Variants in CCDC3 observed in about 807,000 individuals in gnomAD.
CCDC3 encodes coiled-coil domain-containing protein 3.
CCDC3 carries 24 observed loss-of-function variants against 21.4 expected under a neutral mutation model. The ratio of observed to expected loss-of-function variants is 1.12; its 90% CI spans 0.81 to 1.58. The LOEUF is 1.58. Ranked by LOEUF, CCDC3 falls within the 40% of genes most tolerant of loss-of-function variation. The probability of loss-of-function intolerance (pLI) is 0.00; values close to 1 mark genes in which losing one functional copy is unlikely to be tolerated. For missense variants in CCDC3, 425 were observed against 360.9 expected (o/e 1.18, Z -1.44); for synonymous variants, 186 against 166.0 (o/e 1.12, Z -0.93).
At chr10:13,032,452 A>G (rs962790178) in intron 5 of CCDC3, among the ~76,000 whole-genome samples, 2 of 152,182 alleles carry the variant, frequency 1.3e-5, no homozygotes, top group Non-Finnish European at 2.9e-5. Flanking sequence ...GCCCTCTCTC[A>G]CTACTCCTAT....
At chr10:13,025,815 C>T (rs1589043718) in intron 5 of CCDC3, among the ~76,000 whole-genome samples, 2 of 152,294 alleles carry the variant, frequency 1.3e-5, no homozygotes, top group East Asian at 1.9e-4. Context: ...AGTCTTTAGA[C>T]GTTGCTGGTC....
chr10:12,899,046 G>T (rs1292236337), intron 2 of CCDC3, among the ~76,000 whole-genome samples: 2 of 152,082 alleles, frequency 1.3e-5, no homozygotes, highest in Non-Finnish European at 2.9e-5. Flanking sequence ...GGAATGGGGG[G>T]AGTCAGGTGG....
At chr10:13,015,800 G>A (rs1836050479) in intron 5 of CCDC3, among the ~76,000 whole-genome samples, 2 of 152,106 alleles carry the variant, frequency 1.3e-5, no homozygotes, top group East Asian at 1.9e-4. Context: ...TCTTCAGTAG[G>A]AGAGCCTAGG....
intron 5 of CCDC3, among the ~76,000 whole-genome samples, chr10:13,023,066 A>G (rs1222010530): frequency 1.5e-5 from 2 of 130,676 alleles, no homozygotes; most frequent in East Asian, 4.6e-4. Context: ...AAAATCCTTG[A>G]GTTGTGTTTT....
intron 5 of CCDC3, among the ~76,000 whole-genome samples, chr10:13,029,720 C>G (rs921358223): frequency 1.3e-5 from 2 of 152,016 alleles, no homozygotes; most frequent in Non-Finnish European, 2.9e-5. Flanking sequence ...CCGATTTGAT[C>G]AAGTGGAAGA....
chr10:13,086,878 C>T (rs1031035757), intron 3 of CCDC3, among the ~76,000 whole-genome samples: 7 of 152,124 alleles, frequency 4.6e-5, no homozygotes, highest in African/African-American at 1.7e-4. Context: ...TGCAGAAAAC[C>T]ACTGCCAGTA....
At chr10:12,899,948 G>A (rs1173826308) in intron 2 of CCDC3, among the ~76,000 whole-genome samples, 1 of 152,148 alleles carries the variant, frequency 6.6e-6, no homozygotes, top group Non-Finnish European at 1.5e-5. Flanking sequence ...GTCATGGGAG[G>A]GACCCAGTGG....
intron 5 of CCDC3, among the ~76,000 whole-genome samples, chr10:13,028,949 A>G (rs564166): frequency 0.65 from 98,297 of 152,062 alleles, 33,037 homozygotes; most frequent in East Asian, 0.81. Context: ...AATGACATCC[A>G]TAATTCCAGC....
At chr10:12,898,922 AGATGTCGTTTT>A (rs1006220982) in intron 2 of CCDC3, among the ~76,000 whole-genome samples, 1 of 152,198 alleles carries the variant, frequency 6.6e-6, no homozygotes, top group Non-Finnish European at 1.5e-5. Context: ...CTTCCTTGGA[AGATGTCGTTTT>A]CAAATGATAT....
intron 2 of CCDC3, among the ~76,000 whole-genome samples, chr10:12,982,651 G>A (rs970812182): frequency 1.3e-5 from 2 of 151,388 alleles, no homozygotes; most frequent in African/African-American, 4.9e-5. Context: ...AAAATTAGCT[G>A]GGTGTGGTGG....
chr10:12,986,831 A>C (rs1835603950), intron 2 of CCDC3, among the ~76,000 whole-genome samples: 1 of 152,188 alleles, frequency 6.6e-6, no homozygotes, highest in Non-Finnish European at 1.5e-5. Context: ...GTAAAATAGG[A>C]AACTAAAAAT....
intron 2 of CCDC3, among the ~76,000 whole-genome samples, chr10:12,902,924 G>T (rs1166281619): frequency 6.6e-6 from 1 of 152,206 alleles, no homozygotes; most frequent in Non-Finnish European, 1.5e-5. Flanking sequence ...TATCCGGAGT[G>T]GGAGGATCAT....
intron 4 of CCDC3, chr10:13,058,195 G>T: frequency 1.7e-6 from 2 of 1,180,002 alleles, no homozygotes; most frequent in Non-Finnish European, 2.5e-6. Flanking sequence ...CCTTCAGGGT[G>T]CCAAAAACTT....
intron 2 of CCDC3, among the ~76,000 whole-genome samples, chr10:12,970,338 A>T (rs924930365): frequency 2.0e-5 from 3 of 152,216 alleles, no homozygotes; most frequent in African/African-American, 7.2e-5. Context: ...CTGGGGTATT[A>T]AATGCATTTT....
At chr10:12,934,986 C>A (rs1834713267) in intron 2 of CCDC3, among the ~76,000 whole-genome samples, 1 of 151,756 alleles carries the variant, frequency 6.6e-6, no homozygotes, top group Non-Finnish European at 1.5e-5. Context: ...CTCACTGTAC[C>A]ATTACGTAAC....
intron 5 of CCDC3, among the ~76,000 whole-genome samples, chr10:13,013,114 C>G (rs1003169350): frequency 2.0e-5 from 3 of 152,128 alleles, no homozygotes; most frequent in Non-Finnish European, 2.9e-5. Context: ...TGCACTAAGT[C>G]TTTTGGGACA....
chr10:13,081,125 G>C (rs1018750711), intron 3 of CCDC3, among the ~76,000 whole-genome samples: 17 of 138,912 alleles, frequency 1.2e-4, no homozygotes, highest in Admixed American at 7.3e-5. Flanking sequence ...TTTTAAAAAA[G>C]GAAATTTCTC....
chr10:12,992,782 T>C (rs1292895576), intron 2 of CCDC3, among the ~76,000 whole-genome samples: 2 of 152,124 alleles, frequency 1.3e-5, no homozygotes, highest in African/African-American at 4.8e-5. Context: ...AAACACCACC[T>C]GTTCCCTAGA....
intron 2 of CCDC3, among the ~76,000 whole-genome samples, chr10:12,919,586 T>TG (rs368084819): frequency 2.3e-5 from 3 of 130,938 alleles, no homozygotes; most frequent in Non-Finnish European, 4.8e-5. Flanking sequence ...CAAGACTGTC[T>TG]AAAAAAAAAA....
Sources: gnomAD v4.1 joint callset for allele counts (sites outside exome capture counted in the v4.1 genomes callset) on GRCh38, gnomAD v4.1.1 for gene constraint, MANE v1.5 for transcripts, NCBI Gene and HGNC (gene_info 2026-07-23, HGNC 2026-07-21) for gene names.